Variants in REPS1 observed in about 807,000 individuals in gnomAD.
The protein encoded by REPS1 is RALBP1 associated Eps domain containing 1.
REPS1 carries 39 observed loss-of-function variants against 100.9 expected under a neutral mutation model. The ratio of observed to expected loss-of-function variants is 0.39; its 90% CI spans 0.30 to 0.50. The LOEUF is 0.50. Ranked by LOEUF, REPS1 falls within the 20% of genes least tolerant of loss-of-function variation. The probability of loss-of-function intolerance (pLI) is 0.86; values close to 1 mark genes in which losing one functional copy is unlikely to be tolerated. For synonymous variants in REPS1, 324 were observed against 340.3 expected (o/e 0.95, Z 0.53); for missense variants, 821 against 968.5 (o/e 0.85, Z 2.02).
At chr6:138,907,412 G>T in intron 19 of REPS1, 83 bp downstream of exon 19, 1 of 874,612 alleles carries the variant, frequency 1.1e-6, no homozygotes, top group Non-Finnish European at 1.8e-6. Flanking sequence ...ATGTGATCTT[G>T]GAGGTATCTG....
At chr6:138,977,325 G>T (rs750841992) in intron 1 of REPS1, among the ~76,000 whole-genome samples, 5 of 151,992 alleles carry the variant, frequency 3.3e-5, no homozygotes, top group Non-Finnish European at 5.9e-5. Context: ...TTTTGTATTT[G>T]GTTTGACAGT....
intron 1 of REPS1, among the ~76,000 whole-genome samples, chr6:138,966,785 A>T (rs1228054372): frequency 6.7e-6 from 1 of 149,774 alleles, no homozygotes; most frequent in East Asian, 2.0e-4. Flanking sequence ...GCTTCTGCCT[A>T]AAAAAAAGAA....
chr6:138,912,569 AC>A (rs1355037873), intron 16 of REPS1, 195 bp downstream of exon 16: 5 of 580,324 alleles, frequency 8.6e-6, no homozygotes, highest in Admixed American at 6.3e-5. Context: ...TCAATCCCCC[AC>A]CCCCACCAGA....
intron 1 of REPS1, among the ~76,000 whole-genome samples, chr6:138,955,457 AGTGTGTGTGTGTGTGTGT>A (rs1554294151): frequency 1.1e-5 from 1 of 90,720 alleles, no homozygotes; most frequent in African/African-American, 5.2e-5. Context: ...AAAAAAAAAA[AGTGTGTGTGTGTGTGTGT>A]GTGTGTGTGT....
At chr6:138,966,242 G>A (rs902246889) in intron 1 of REPS1, among the ~76,000 whole-genome samples, 24 of 152,116 alleles carry the variant, frequency 1.6e-4, no homozygotes, top group African/African-American at 5.6e-4. Context: ...GTTAAATAGA[G>A]TTAAGCATGA....
At chr6:138,934,170 T>C (rs1781656571) in intron 8 of REPS1, 3 of 297,872 alleles carry the variant, frequency 1.0e-5, no homozygotes, top group South Asian at 8.5e-5. Flanking sequence ...CACCCACAAA[T>C]GTTAGTCTTT....
Position 138,945,330 on chromosome 6 carries a change from T to C in REPS1, c.517A>G (p.Thr173Ala). ...PVVSPQQSPP[T>A]SPHTWRKHSR... ...TGCTTCCTCCATGTGTGTGGAGAAG[T>C]TGGTGGGGATTGCTGTGGTGAAACT... The change falls in exon 4 of 20, where the codon ACT becomes GCT. Residue 173 changes from threonine to alanine, a missense_variant. Coordinates refer to ENST00000450536, the MANE Select transcript of REPS1 (RefSeq NM_001286611.2). 3 of 1,612,178 alleles carry C rather than the reference T, an allele frequency of 1.9e-6. No individual in the cohort carries two copies. Among genetic ancestry groups the C allele is most frequent in the Non-Finnish European group, 2.5e-6 (3 of 1,179,422 alleles).
intron 1 of REPS1, among the ~76,000 whole-genome samples, chr6:138,959,553 C>A (rs1373292504): frequency 6.6e-6 from 1 of 152,166 alleles, no homozygotes; most frequent in East Asian, 1.9e-4. Context: ...CTACCGCTTT[C>A]ATTTTTGTAA....
At chr6:138,984,876 T>C (rs1488078124) in intron 1 of REPS1, among the ~76,000 whole-genome samples, 1 of 152,174 alleles carries the variant, frequency 6.6e-6, no homozygotes, top group African/African-American at 2.4e-5. Flanking sequence ...GCACCTCATA[T>C]AGTGGCTACC....
chr6:138,984,017 C>T (rs913087538), intron 1 of REPS1, among the ~76,000 whole-genome samples: 4 of 152,042 alleles, frequency 2.6e-5, no homozygotes, highest in Non-Finnish European at 4.4e-5. Context: ...CACCAAAACA[C>T]TGCCAAATAA....
chr6:138,976,116 C>T (rs553367714), intron 1 of REPS1, among the ~76,000 whole-genome samples: 1 of 152,236 alleles, frequency 6.6e-6, no homozygotes, highest in East Asian at 1.9e-4. Flanking sequence ...TATTAATATA[C>T]AGTATCAATA....
At chr6:138,982,214 T>C (rs1016620115) in intron 1 of REPS1, among the ~76,000 whole-genome samples, 5 of 152,228 alleles carry the variant, frequency 3.3e-5, no homozygotes, top group Admixed American at 2.0e-4. Context: ...TTATCACTAA[T>C]GCCAGATCTT....
chr6:138,962,021 C>T lies in REPS1; in HGVS notation c.154-14108G>A, dbSNP rs866458821. On this transcript the variant is annotated intron_variant, in intron 1 of 19. Transcript: ENST00000450536. Reference sequence around the variant, plus strand: ...AGAGATTTTTCTAAAGTTGGATACACGGAATTTTCTATAATATATTCCCAT... The same window carrying T: ...AGAGATTTTTCTAAAGTTGGATACATGGAATTTTCTATAATATATTCCCAT... Among the ~76,000 whole-genome samples, 18 of 152,246 alleles carry T rather than the reference C, an allele frequency of 1.2e-4. No individual in the cohort carries two copies. The Middle Eastern group carries it at 0.014, about 115-fold the overall frequency.
intron 1 of REPS1, among the ~76,000 whole-genome samples, chr6:138,958,771 A>C (rs1783558809): frequency 6.6e-6 from 1 of 152,178 alleles, no homozygotes; most frequent in South Asian, 2.1e-4. Context: ...TCTTGTTGCC[A>C]AACTATCGTT....
At chr6:138,978,944 A>G (rs1040498733) in intron 1 of REPS1, among the ~76,000 whole-genome samples, 1 of 152,018 alleles carries the variant, frequency 6.6e-6, no homozygotes, top group African/African-American at 2.4e-5. Flanking sequence ...GCACTTTGGG[A>G]GGCCAAGGCA....
At chr6:138,947,035 G>GCTCTCTCTCTCTCTCT (rs10581264) in intron 2 of REPS1, among the ~76,000 whole-genome samples, 33 of 137,716 alleles carry the variant, frequency 2.4e-4, no homozygotes, top group South Asian at 7.7e-4. Flanking sequence ...ATTCCCCCTT[G>GCTCTCTCTCTCTCTCT]CTCTCTCTCT....
intron 1 of REPS1, among the ~76,000 whole-genome samples, chr6:138,958,288 G>C (rs1009896203): frequency 1.3e-5 from 2 of 152,146 alleles, no homozygotes; most frequent in East Asian, 3.8e-4. Context: ...ACAGGAAAAG[G>C]GAAAGTAGAG....
rs577171575 is a variant in REPS1 at position 138,944,663 on chromosome 6, GA to G, written c.629-42del. 3.3e-3 allele frequency: 5,120 copies of G among 1,570,488 alleles called. 18 individuals carry two copies. Among genetic ancestry groups the G allele is most frequent in the South Asian group, 4.6e-3 (386 of 84,268 alleles). ...GTAAACATGCTGACTCATGTTTGAG[GA>G]AAAAAGTTACTAGGAAGTTTTCTTT... On this transcript the variant is annotated intron_variant, in intron 4 of 19. Transcript: ENST00000450536.
chr6:138,930,380 A>C (rs1308243517), intron 8 of REPS1, among the ~76,000 whole-genome samples: 2 of 152,208 alleles, frequency 1.3e-5, no homozygotes, highest in East Asian at 3.8e-4. Flanking sequence ...CATGCTTTAA[A>C]ATAATTTTCT....
Sources: allele counts gnomAD v4.1 joint callset (sites outside exome capture counted in the v4.1 genomes callset), GRCh38; gene constraint gnomAD v4.1.1; transcripts MANE v1.5; gene names NCBI Gene and HGNC (gene_info 2026-07-23, HGNC 2026-07-21).